PIK3R2: variants seen among roughly 807,000 people sequenced by gnomAD.
PIK3R2 encodes phosphoinositide-3-kinase regulatory subunit 2.
PIK3R2 carries 40 observed loss-of-function variants against 78.5 expected under a neutral mutation model. That is an observed-to-expected ratio of 0.51 (90% CI 0.40 to 0.66). The LOEUF is 0.66. PIK3R2 is among the 30% of genes least tolerant of loss of function. The probability of loss-of-function intolerance (pLI) is 0.00; values close to 1 mark genes in which losing one functional copy is unlikely to be tolerated. For missense variants in PIK3R2, 880 were observed against 1,026.6 expected (o/e 0.86, Z 1.95); for synonymous variants, 473 against 457.7 (o/e 1.03, Z -0.43).
intron 11 of PIK3R2, among the ~76,000 whole-genome samples, chr19:18,165,362 CAA>C (rs33933785): frequency 1.2e-5 from 1 of 81,010 alleles, no homozygotes; most frequent in Non-Finnish European, 2.3e-5. Flanking sequence ...GACTCCGTCT[CAA>C]AAAAAAAAAA....
Position 18,167,390 on chromosome 19 carries a change from T to A in PIK3R2, c.1736+84T>A. On this transcript the variant is annotated intron_variant, in intron 13 of 15. Transcript: ENST00000222254. This position sits in a 1 kb window ranked among gnomAD's most constrained non-coding sequence, Gnocchi z 4.5. ...ATCTCTCTAGGAGTCTCAGTCTCTC[T>A]CTCTCCACCAAGTGGCCCTTCCTGG... is the stretch of plus-strand genomic sequence containing the variant. 1 of 1,230,254 alleles carries A rather than the reference T, an allele frequency of 8.1e-7. No individual in the cohort carries two copies. Among genetic ancestry groups the A allele is most frequent in the Admixed American group, 2.9e-5 (1 of 34,332 alleles). 76.2% of individuals were successfully genotyped at this position (1,230,254 alleles called of 1,614,324 possible). A position where few individuals can be genotyped will look rare whatever the true frequency, so the allele number is the denominator to read the frequency against.
intron 10 of PIK3R2, 35 bp downstream of exon 10, chr19:18,163,182 C>A (rs968635372): frequency 6.2e-7 from 1 of 1,613,446 alleles, no homozygotes; most frequent in African/African-American, 1.3e-5. Context: ...GAGGGTAGCA[C>A]CTGGCTGGCC....
Position 18,154,894 on chromosome 19 carries a change from T to C in PIK3R2, c.-423-563T>C, listed in dbSNP as rs1356607107. Among the ~76,000 whole-genome samples the C allele has an allele frequency of 5.0e-5, 7 of 141,406 alleles. No homozygotes were observed. In the East Asian group the frequency reaches 1.5e-3, roughly 30 times the overall value. The allele number at this position is 141,406 out of a possible 152,430, so 92.8% of individuals were successfully genotyped here. ...GAGTTTGCGACCAACCTGGGCAACA[T>C]AGCAAGACCCCACCTCTATTGGAAA... On this transcript the variant is annotated intron_variant, in intron 1 of 15. Coordinates refer to ENST00000222254, the MANE Select transcript of PIK3R2 (RefSeq NM_005027.4).
rs2147950329 is a variant in PIK3R2 at position 18,161,191 on chromosome 19, C to T, written c.598+6C>T. ...GGCGCGCCGGGCCCTGCGGGGTGAG[C>T]CTGGCGGGTAGCCCGGGGGAAGGAG... On this transcript the variant is annotated splice_donor_region_variant and intron_variant, in intron 5 of 15. Transcript: ENST00000222254. This position sits in a 1 kb window ranked among gnomAD's most constrained non-coding sequence, Gnocchi z 5.3. 3 of 1,543,876 alleles carry T rather than the reference C, an allele frequency of 1.9e-6. No individual in the cohort carries two copies. Among genetic ancestry groups the T allele is most frequent in the African/African-American group, 1.4e-5 (1 of 73,004 alleles).
At chr19:18,166,454 T>A in intron 12 of PIK3R2, 152 bp downstream of exon 12, 1 of 669,704 alleles carries the variant, frequency 1.5e-6, no homozygotes, top group Non-Finnish European at 2.5e-6. Flanking sequence ...CTCAGGCCTG[T>A]AATCCCAGCA....
intron 2 of PIK3R2, among the ~76,000 whole-genome samples, chr19:18,159,144 C>CTTTTTTTTTTTTTTTTTTTTTTTTTTT (rs57543686): frequency 2.0e-5 from 1 of 50,054 alleles, no homozygotes; most frequent in African/African-American, 7.9e-5. Flanking sequence ...GCCTGGCCTC[C>CTTTTTTTTTTTTTTTTTTTTTTTTTTT]TTTTTTTTTT....
chr19:18,155,698 G>A lies in PIK3R2; in HGVS notation c.-182G>A, dbSNP rs1219369431. Reference sequence around the variant, plus strand: ...CCAGTGACGAGTGGCCCTTGTAAGGGTCATGGAATAATTTGAAGCGAGGCA... The same window carrying A: ...CCAGTGACGAGTGGCCCTTGTAAGGATCATGGAATAATTTGAAGCGAGGCA... On this transcript the variant is annotated 5_prime_UTR_variant, in exon 2 of 16. Coordinates refer to ENST00000222254, the MANE Select transcript of PIK3R2 (RefSeq NM_005027.4). 5 of 581,758 alleles carry A rather than the reference G, an allele frequency of 8.6e-6. No homozygotes were observed. The highest frequency in any genetic ancestry group is 5.9e-5 in the African/African-American group (3 of 50,720). 36.0% of individuals were successfully genotyped at this position (581,758 alleles called of 1,614,324 possible). A position where few individuals can be genotyped will look rare whatever the true frequency, so the allele number is the denominator to read the frequency against.
At chr19:18,169,002 G>C in intron 15 of PIK3R2, 85 bp from the exon 16 acceptor site, 1 of 1,560,734 alleles carries the variant, frequency 6.4e-7, no homozygotes, top group Non-Finnish European at 8.7e-7. Context: ...GGGTCATCCG[G>C]GACAGGGGAG....
chr19:18,160,742 A>T, intron 3 of PIK3R2, 177 bp from the exon 4 acceptor site: 1 of 896,288 alleles, frequency 1.1e-6, no homozygotes, highest in Non-Finnish European at 1.8e-6. Context: ...TGGGAAGGTG[A>T]ACATGACCAG....
rs1334968694 is a variant in PIK3R2, at chr19:18,169,991, T to C, written c.*697T>C. The C allele has an allele frequency of 2.2e-5, 4 of 178,028 alleles. No homozygotes were observed. The highest frequency in any genetic ancestry group is 9.5e-5 in the African/African-American group (4 of 42,284). The allele number at this position is 178,028 out of a possible 1,614,324, so 11.0% of individuals were successfully genotyped here. On this transcript the variant is annotated 3_prime_UTR_variant, in exon 16 of 16. Coordinates refer to ENST00000222254, the MANE Select transcript of PIK3R2 (RefSeq NM_005027.4). ...TGGGAGGCCAAGACGGGCGGATCTT[T>C]TGAGGTCGGGAGTTGGAGGCCAGCC...
rs2043823072 is a variant in PIK3R2 at position 18,167,628 on chromosome 19, C to T, written c.1736+322C>T. Among the ~76,000 whole-genome samples the T allele has an allele frequency of 6.6e-6, 1 of 152,032 alleles. No individual in the cohort carries two copies. Among genetic ancestry groups the T allele is most frequent in the Non-Finnish European group, 1.5e-5 (1 of 68,016 alleles). On this transcript the variant is annotated intron_variant, in intron 13 of 15. Coordinates refer to ENST00000222254, the MANE Select transcript of PIK3R2 (RefSeq NM_005027.4). This position sits in a 1 kb window ranked among gnomAD's most constrained non-coding sequence, Gnocchi z 4.5. ...CAGCACTTTGGGAGGCTGAGGCGGGCAGATGGATCACTTGAGGCCAGGAGT... is the reference window on the plus strand; with the variant it reads ...CAGCACTTTGGGAGGCTGAGGCGGGTAGATGGATCACTTGAGGCCAGGAGT...
chr19:18,159,555 T>G (rs1230397448), intron 2 of PIK3R2, among the ~76,000 whole-genome samples: 1 of 151,004 alleles, frequency 6.6e-6, no homozygotes, highest in Non-Finnish European at 1.5e-5. Context: ...AATTCCTGCC[T>G]CAGCCTCCTG....
Position 18,161,386 on chromosome 19 carries a change from GC to G in PIK3R2, c.710del (p.Pro237ArgfsTer104). ...GCACCTGGGCCGCGTGGCCAGCCGC[GC>G]CCCGGCCCTGGGTCCCGCGGTCCGG... Reference protein sequence around the residue: ...LQHLGRVASRAPALGPAVRAL... With the variant: ...LQHLGRVASRXPALGPAVRAL... On this transcript the variant is annotated frameshift_variant, in exon 6 of 16. Transcript: ENST00000222254. LOFTEE classifies it high-confidence loss of function. The surrounding 1 kb of genome is among the most constrained non-coding windows in gnomAD (Gnocchi z 5.3). 1.6e-6 allele frequency: 2 copies of G among 1,235,646 alleles called. No individual in the cohort carries two copies. Among genetic ancestry groups the G allele is most frequent in the Non-Finnish European group, 1.0e-6 (1 of 990,160 alleles). 76.5% of individuals were successfully genotyped at this position (1,235,646 alleles called of 1,614,324 possible). A position where few individuals can be genotyped will look rare whatever the true frequency, so the allele number is the denominator to read the frequency against.
In PIK3R2 at chr19:18,155,851, C is replaced by G; in HGVS notation, c.-29C>G. ...GTGGGGCTCCAAGCAGCCACCTAACCATCCAGACCCCACCCCACTCACGCG... is the reference window on the plus strand; with the variant it reads ...GTGGGGCTCCAAGCAGCCACCTAACGATCCAGACCCCACCCCACTCACGCG... On this transcript the variant is annotated 5_prime_UTR_variant, in exon 2 of 16. Transcript: ENST00000222254. 1 of 1,509,546 alleles carries G rather than the reference C, an allele frequency of 6.6e-7. No individual in the cohort carries two copies. The highest frequency in any genetic ancestry group is 2.6e-5 in the East Asian group (1 of 39,136). 93.5% of individuals were successfully genotyped at this position (1,509,546 alleles called of 1,614,324 possible).
At chr19:18,158,561 G>T (rs2043705319) in intron 2 of PIK3R2, among the ~76,000 whole-genome samples, 1 of 151,108 alleles carries the variant, frequency 6.6e-6, no homozygotes, top group South Asian at 2.1e-4. Context: ...GGGGCCAGGA[G>T]TTTGAGGCTG....
Position 18,170,142 on chromosome 19 carries a change from AG to A in PIK3R2, c.*850del. 6.4e-6 allele frequency: 1 copy of A among 155,640 alleles called. No individual in the cohort carries two copies. The highest frequency in any genetic ancestry group is 2.1e-4 in the South Asian group (1 of 4,868). 9.6% of individuals were successfully genotyped at this position (155,640 alleles called of 1,614,324 possible). ...AGAATCTCTTGAACCCAGGAGATGGAGGTTGCAGTGAGCAGAGATCGTGCCA... is the reference window on the plus strand; with the variant it reads ...AGAATCTCTTGAACCCAGGAGATGGAGTTGCAGTGAGCAGAGATCGTGCCA... On this transcript the variant is annotated 3_prime_UTR_variant, in exon 16 of 16. Coordinates refer to ENST00000222254, the MANE Select transcript of PIK3R2 (RefSeq NM_005027.4).
chr19:18,162,153 C>T (rs1426103820), intron 7 of PIK3R2, 49 bp from the exon 8 acceptor site: 1 of 1,414,832 alleles, frequency 7.1e-7, no homozygotes, highest in African/African-American at 1.4e-5. Context: ...GGGAGGCAGC[C>T]ACAGTATACA....
In PIK3R2 at chr19:18,169,684, G is replaced by T. The variant is rs1967135832; in HGVS notation, c.*390G>T. 1 of 224,316 alleles carries T rather than the reference G, an allele frequency of 4.5e-6. No homozygotes were observed. Among genetic ancestry groups the T allele is most frequent in the Non-Finnish European group, 8.8e-6 (1 of 113,034 alleles). The allele number at this position is 224,316 out of a possible 1,614,324, so 13.9% of individuals were successfully genotyped here. ...CTGCCATGTTTACAGAGGGCCCCTGGGCTGCGCGGCCCCAGCCTGGGCACC... is the reference window on the plus strand; with the variant it reads ...CTGCCATGTTTACAGAGGGCCCCTGTGCTGCGCGGCCCCAGCCTGGGCACC... On this transcript the variant is annotated 3_prime_UTR_variant, in exon 16 of 16. Coordinates refer to ENST00000222254, the MANE Select transcript of PIK3R2 (RefSeq NM_005027.4).
At position 18,167,037 on chromosome 19, in the gene PIK3R2, G is replaced by A. The variant is rs1180253392; in HGVS notation, c.1560-93G>A. 9.3e-7 allele frequency: 1 copy of A among 1,072,416 alleles called. No homozygotes were observed. Among genetic ancestry groups the A allele is most frequent in the Non-Finnish European group, 1.3e-6 (1 of 771,620 alleles). 66.4% of individuals were successfully genotyped at this position (1,072,416 alleles called of 1,614,324 possible). A position where few individuals can be genotyped will look rare whatever the true frequency, so the allele number is the denominator to read the frequency against. ...TGTGGTCCCAGCTACTCGGGAGGCT[G>A]AGGTAGGAGGGTCACCTGAGCCCAG... is the stretch of plus-strand genomic sequence containing the variant. On this transcript the variant is annotated intron_variant, in intron 12 of 15. Coordinates refer to ENST00000222254, the MANE Select transcript of PIK3R2 (RefSeq NM_005027.4). The surrounding 1 kb of genome is among the most constrained non-coding windows in gnomAD (Gnocchi z 4.5).
Sources: gnomAD v4.1 joint callset for allele counts (sites outside exome capture counted in the v4.1 genomes callset) on GRCh38, gnomAD v4.1.1 for gene constraint, Gnocchi (gnomAD v3.1) non-coding constraint, MANE v1.5 for transcripts, NCBI Gene and HGNC (gene_info 2026-07-23, HGNC 2026-07-21) for gene names.